Variants in GABRG3 observed in about 807,000 individuals in gnomAD.
GABRG3 encodes the protein gamma-aminobutyric acid type A receptor subunit gamma3.
Under a neutral mutation model 48.8 loss-of-function variants are expected in GABRG3, and 25 were observed. The ratio of observed to expected loss-of-function variants is 0.51; its 90% CI spans 0.37 to 0.72. The LOEUF is 0.72. Ranked by LOEUF, GABRG3 falls within the 30% of genes least tolerant of loss-of-function variation. GABRG3 has a pLI of 0.00. For synonymous variants in GABRG3, 227 were observed against 217.6 expected, an observed-to-expected ratio of 1.04 and a Z score of -0.38; for missense variants, 394 against 577.9, an observed-to-expected ratio of 0.68 and a Z score of 3.26.
chr15:27,038,739 C>T (rs74421659), intron 3 of GABRG3, among the ~76,000 whole-genome samples: 2,356 of 152,260 alleles, frequency 0.015, 57 homozygotes, highest in African/African-American at 0.053. Flanking sequence ...CAGGGAGCCC[C>T]GCCCCAGAAA....
intron 3 of GABRG3, among the ~76,000 whole-genome samples, chr15:27,080,329 G>T (rs555003353): frequency 3.2e-4 from 49 of 152,194 alleles, no homozygotes; most frequent in African/African-American, 1.1e-3. Flanking sequence ...GAATATGGTG[G>T]TGTGTGCCTG....
chr15:27,042,859 C>T (rs1896301504), intron 3 of GABRG3, among the ~76,000 whole-genome samples: 1 of 152,216 alleles, frequency 6.6e-6, no homozygotes, highest in African/African-American at 2.4e-5. Context: ...CCAGGGCCTC[C>T]CTGTGGTGTG....
chr15:27,377,180 C>T (rs183385314), intron 5 of GABRG3, among the ~76,000 whole-genome samples: 270 of 152,312 alleles, frequency 1.8e-3, no homozygotes, highest in Non-Finnish European at 3.0e-3. Context: ...CTGAAACCAC[C>T]TCAGCCTGGA....
chr15:27,376,773 G>T (rs558542463), intron 5 of GABRG3, among the ~76,000 whole-genome samples: 2 of 152,224 alleles, frequency 1.3e-5, no homozygotes, highest in East Asian at 3.9e-4. Context: ...ATCATGGGAG[G>T]GGCTGTTTCA....
At chr15:27,004,962 T>C (rs1460519000) in intron 2 of GABRG3, among the ~76,000 whole-genome samples, 1 of 152,142 alleles carries the variant, frequency 6.6e-6, no homozygotes, top group Non-Finnish European at 1.5e-5. Flanking sequence ...AGTGGCTCCA[T>C]TGGCCCATCT....
intron 3 of GABRG3, among the ~76,000 whole-genome samples, chr15:27,167,530 C>T (rs567352536): frequency 1.1e-4 from 16 of 152,300 alleles, no homozygotes; most frequent in South Asian, 2.1e-4. Flanking sequence ...TCTTAGTTAA[C>T]AGAGGCTAAA....
At chr15:27,438,830 G>A (rs1595755163) in intron 5 of GABRG3, among the ~76,000 whole-genome samples, 1 of 152,174 alleles carries the variant, frequency 6.6e-6, no homozygotes, top group South Asian at 2.1e-4. Flanking sequence ...CCCAGCCAGG[G>A]TGCTTGGCCC....
At chr15:27,225,608 G>A (rs1357712494) in intron 3 of GABRG3, among the ~76,000 whole-genome samples, 1 of 152,104 alleles carries the variant, frequency 6.6e-6, no homozygotes, top group Admixed American at 6.5e-5. Context: ...TCCACCCAGA[G>A]GGATGAAGAG....
chr15:27,070,843 G>A (rs1444379162), intron 3 of GABRG3, among the ~76,000 whole-genome samples: 1 of 152,156 alleles, frequency 6.6e-6, no homozygotes, highest in African/African-American at 2.4e-5. Flanking sequence ...TAGAAAATGA[G>A]AACTACCCAA....
At position 27,461,472 on chromosome 15, in the gene GABRG3, G is replaced by C. The variant is rs187351997; in HGVS notation, c.575-19178G>C. ...TCGGGTGAGTGTTACAGCACTTAAA[G>C]ATAGTGCCCACCCAAAGAGTGAACA... On this transcript the variant is annotated intron_variant, in intron 5 of 9. Transcript: ENST00000615808. 4.6e-5 allele frequency among the ~76,000 whole-genome samples: 7 copies of C among 152,304 alleles called. No individual in the cohort carries two copies. In the East Asian group the frequency reaches 1.4e-3, roughly 29 times the overall value.
chr15:27,102,003 A>G (rs1368378596), intron 3 of GABRG3, among the ~76,000 whole-genome samples: 4 of 152,130 alleles, frequency 2.6e-5, no homozygotes, highest in Non-Finnish European at 4.4e-5. Context: ...CTCACATCCT[A>G]TACAAAAACC....
At chr15:27,112,877 T>A (rs1232799727) in intron 3 of GABRG3, among the ~76,000 whole-genome samples, 1 of 152,234 alleles carries the variant, frequency 6.6e-6, no homozygotes, top group African/African-American at 2.4e-5. Context: ...ACAGACCTTT[T>A]TCCCCGTTGT....
chr15:26,987,338 A>C (rs922559528), intron 2 of GABRG3, among the ~76,000 whole-genome samples: 1 of 152,204 alleles, frequency 6.6e-6, no homozygotes, highest in South Asian at 2.1e-4. Context: ...AGACAACTTT[A>C]CTGTCGTAAA....
chr15:26,988,603 T>C (rs953758618), intron 2 of GABRG3, among the ~76,000 whole-genome samples: 21 of 152,162 alleles, frequency 1.4e-4, no homozygotes, highest in African/African-American at 4.3e-4. Context: ...AATCTAACAA[T>C]CTCTGCCTTT....
chr15:27,418,321 AAG>A (rs1284664532), intron 5 of GABRG3, among the ~76,000 whole-genome samples: 1 of 152,194 alleles, frequency 6.6e-6, no homozygotes, highest in Admixed American at 6.5e-5. Context: ...ATTTCACACT[AAG>A]AGACAAAACA....
intron 3 of GABRG3, among the ~76,000 whole-genome samples, chr15:27,271,333 C>T (rs1051254582): frequency 6.6e-6 from 1 of 152,228 alleles, no homozygotes; most frequent in African/African-American, 2.4e-5. Flanking sequence ...AGAACTGCCT[C>T]CGCGGGTGCC....
At position 27,326,792 on chromosome 15, in the gene GABRG3, C is replaced by T. The variant is rs117879120; in HGVS notation, c.271-17C>T. ...TATTAATAGAACTGTCTTGCCTCTC[C>T]TTCTGCTCTGTTTCAGGAATACCAA... On this transcript the variant is annotated splice_polypyrimidine_tract_variant and intron_variant, in intron 3 of 9. Transcript: ENST00000615808. The T allele has an allele frequency of 7.3e-4, 1,154 of 1,588,208 alleles. 19 individuals carry two copies. In the East Asian group the frequency reaches 0.023, roughly 32 times the overall value.
At chr15:27,391,437 C>T (rs1887125815) in intron 5 of GABRG3, among the ~76,000 whole-genome samples, 1 of 152,070 alleles carries the variant, frequency 6.6e-6, no homozygotes, top group South Asian at 2.1e-4. Flanking sequence ...GAACTTAGTT[C>T]TGCACTTCAT....
intron 5 of GABRG3, among the ~76,000 whole-genome samples, chr15:27,410,845 CGTGTGTG>C (rs1467881112): frequency 2.1e-5 from 3 of 143,630 alleles, no homozygotes; most frequent in Admixed American, 1.4e-4. Flanking sequence ...TGCGCACGCT[CGTGTGTG>C]TGTGTGTGTG....
Sources: gnomAD v4.1 joint callset for allele counts (sites outside exome capture counted in the v4.1 genomes callset) on GRCh38, gnomAD v4.1.1 for gene constraint, MANE v1.5 for transcripts, NCBI Gene and HGNC (gene_info 2026-07-23, HGNC 2026-07-21) for gene names.